ADGRB1: variants seen among roughly 807,000 people sequenced by gnomAD.
ADGRB1 encodes brain-specific angiogenesis inhibitor 1.
In ADGRB1, 36 loss-of-function variants were observed where a neutral mutation model predicts 175.7. The observed-to-expected ratio is 0.20, with a 90% CI of 0.16 to 0.27. ADGRB1 has a LOEUF of 0.27. Ranked by LOEUF, ADGRB1 falls within the 10% of genes least tolerant of loss-of-function variation. The probability of loss-of-function intolerance (pLI) is 1.00; values close to 1 mark genes in which losing one functional copy is unlikely to be tolerated. For synonymous variants in ADGRB1, 1,054 were observed against 979.4 expected, an observed-to-expected ratio of 1.08 and a Z score of -1.42; for missense variants, 1,731 against 2,255.3, an observed-to-expected ratio of 0.77 and a Z score of 4.71.
chr8:142,537,634 GCT>G lies in ADGRB1; in HGVS notation c.3666+557_3666+558del, dbSNP rs1845015031. Among the ~76,000 whole-genome samples, 1 of 151,934 alleles carries G rather than the reference GCT, an allele frequency of 6.6e-6. No homozygotes were observed. The highest frequency in any genetic ancestry group is 2.4e-5 in the African/African-American group (1 of 41,352). On this transcript the variant is annotated intron_variant, in intron 26 of 30. Transcript: ENST00000517894. The surrounding 1 kb of genome is among the most constrained non-coding windows in gnomAD (Gnocchi z 4.6). ...GCCATCCTGCCTTCACCCTCTCTGG[GCT>G]CTCTGCCCTCCCCCTGCCCATCCTG... is the stretch of plus-strand genomic sequence containing the variant.
chr8:142,491,692 G>A (rs897966691), intron 17 of ADGRB1, among the ~76,000 whole-genome samples: 3 of 152,176 alleles, frequency 2.0e-5, no homozygotes, highest in African/African-American at 7.2e-5. Flanking sequence ...GGCTCCCTCA[G>A]CCCCAGTCCC....
intron 4 of ADGRB1, 99 bp downstream of exon 4, chr8:142,476,794 C>T (rs1297746626): frequency 1.6e-6 from 2 of 1,213,302 alleles, no homozygotes; most frequent in African/African-American, 1.5e-5. Flanking sequence ...GAATAACATG[C>T]CATAACTAGA....
rs1587440631 is a variant in ADGRB1, at chr8:142,537,030, A to G, written c.3614A>G (p.Glu1205Gly). The change falls in exon 26 of 31, where the codon GAG becomes GGG. Residue 1205 changes from glutamate to glycine, a missense_variant. Coordinates refer to ENST00000517894, the MANE Select transcript of ADGRB1 (RefSeq NM_001702.3). The surrounding 1 kb of genome is among the most constrained non-coding windows in gnomAD (Gnocchi z 4.6). ...TGCCGTGTGGTTGACCGGCAGGAGGAGGGCAACGGGGACTCAGGGGGCTCC... is the reference window on the plus strand; with the variant it reads ...TGCCGTGTGGTTGACCGGCAGGAGGGGGGCAACGGGGACTCAGGGGGCTCC... The part of the protein sequence containing the change: ...VKCRVVDRQE[E>G]GNGDSGGSFQ... The G allele has an allele frequency of 6.3e-7, 1 of 1,590,346 alleles. No homozygotes were observed. The highest frequency in any genetic ancestry group is 8.6e-7 in the Non-Finnish European group (1 of 1,168,774).
At chr8:142,509,098 C>T (rs924571709) in intron 17 of ADGRB1, among the ~76,000 whole-genome samples, 5 of 152,222 alleles carry the variant, frequency 3.3e-5, no homozygotes, top group Non-Finnish European at 7.3e-5. Context: ...CGCCAGCCAG[C>T]GGCTCACAGC....
At position 142,544,360 on chromosome 8, in the gene ADGRB1, G is replaced by A. The variant is rs372515206; in HGVS notation, c.4698G>A (p.Ser1566=). The stretch of plus-strand genomic sequence containing the variant: ...TTCGCAGCGTGGAGTGGGAGAGGTC[G>A]GGCGCCACGATCCCGCTGGTGGGCC... ...LELRSVEWER[S]GATIPLVGQD... Residue 1566 remains serine (S), a synonymous_variant, in exon 31 of 31, where the codon TCG becomes TCA. Coordinates refer to ENST00000517894, the MANE Select transcript of ADGRB1 (RefSeq NM_001702.3). 2.4e-4 allele frequency: 375 copies of A among 1,538,748 alleles called. 2 individuals are homozygous for A. In the African/African-American group the frequency reaches 4.6e-3, roughly 19 times the overall value.
chr8:142,520,767 C>G, intron 19 of ADGRB1, 56 bp from the exon 20 acceptor site: 1 of 1,491,276 alleles, frequency 6.7e-7, no homozygotes, highest in Non-Finnish European at 9.3e-7. Flanking sequence ...GACCACAGCC[C>G]CTGTGCAGAT....
chr8:142,480,949 C>T (rs905511811), intron 9 of ADGRB1, among the ~76,000 whole-genome samples: 8 of 152,038 alleles, frequency 5.3e-5, no homozygotes, highest in African/African-American at 7.2e-5. Flanking sequence ...GAAGGGGCTC[C>T]GAAGGAGGTC....
intron 13 of ADGRB1, among the ~76,000 whole-genome samples, chr8:142,486,777 A>C (rs574644368): frequency 1.3e-5 from 2 of 152,322 alleles, no homozygotes; most frequent in African/African-American, 4.8e-5. Flanking sequence ...CCAGCAGTTC[A>C]GGAGGCCAAG....
chr8:142,517,872 C>T (rs1052812745), intron 18 of ADGRB1, among the ~76,000 whole-genome samples: 1 of 152,158 alleles, frequency 6.6e-6, no homozygotes, highest in African/African-American at 2.4e-5. Context: ...AAAGACTTAT[C>T]TGGCATCGGG....
intron 2 of ADGRB1, among the ~76,000 whole-genome samples, chr8:142,470,235 G>A (rs944801781): frequency 6.6e-6 from 1 of 152,100 alleles, no homozygotes; most frequent in African/African-American, 2.4e-5. Context: ...CCTCCCCACT[G>A]CCTCCCTTTG....
intron 20 of ADGRB1, 125 bp from the exon 21 acceptor site, chr8:142,521,840 G>T: frequency 8.9e-7 from 1 of 1,118,942 alleles, no homozygotes; most frequent in African/African-American, 1.5e-5. Flanking sequence ...TCTGCCTGGG[G>T]ACCTGGTTGG....
intron 2 of ADGRB1, among the ~76,000 whole-genome samples, chr8:142,472,015 G>GGGTGGGAAT (rs1840696202): frequency 1.3e-5 from 2 of 152,252 alleles, no homozygotes; most frequent in Admixed American, 1.3e-4. Context: ...TGGCAGAGCA[G>GGGTGGGAAT]GGTGGGAATG....
rs1224447291 is a variant in ADGRB1, at chr8:142,504,127, G to A, written c.2676-6805G>A. On this transcript the variant is annotated intron_variant, in intron 17 of 30. Transcript: ENST00000517894. This position sits in a 1 kb window ranked among gnomAD's most constrained non-coding sequence, Gnocchi z 5.6. ...GGTCACAGCGACCAGGATCTCCTCA[G>A]GACCCCAGGTAATTGCCCCCAGGCC... 6.6e-6 allele frequency among the ~76,000 whole-genome samples: 1 copy of A among 152,216 alleles called. No homozygotes were observed. The highest frequency in any genetic ancestry group is 1.5e-5 in the Non-Finnish European group (1 of 68,030).
intron 23 of ADGRB1, among the ~76,000 whole-genome samples, chr8:142,525,705 G>A (rs547860095): frequency 5.3e-5 from 8 of 152,306 alleles, no homozygotes; most frequent in South Asian, 4.1e-4. Flanking sequence ...TCTTCTGGAC[G>A]TGAAATGCCT....
rs183127793 is a variant in ADGRB1 at position 142,465,265 on chromosome 8, C to T, written c.784+283C>T. Among the ~76,000 whole-genome samples, 601 of 152,316 alleles carry T rather than the reference C, an allele frequency of 3.9e-3. 3 individuals are homozygous for T. The highest frequency in any genetic ancestry group is 0.01 in the Middle Eastern group (3 of 294). On this transcript the variant is annotated intron_variant, in intron 2 of 30. Transcript: ENST00000517894. Reference sequence around the variant, plus strand: ...GTCACTGCAGGTGTGCAGGGCCAGCCCGGGCACACGGCGGGTGCTGGTTGA... The same window carrying T: ...GTCACTGCAGGTGTGCAGGGCCAGCTCGGGCACACGGCGGGTGCTGGTTGA...
chr8:142,487,774 C>T (rs1021128803), intron 13 of ADGRB1, among the ~76,000 whole-genome samples: 1 of 152,330 alleles, frequency 6.6e-6, no homozygotes, highest in Admixed American at 6.5e-5. Flanking sequence ...CCACCCTGAG[C>T]TCAGGGCCCT....
Position 142,542,673 on chromosome 8 carries a change from C to A in ADGRB1, c.4413+26C>A, listed in dbSNP as rs899985334. ...GTGAGGGGGGCAGGGGTGGGCCACA[C>A]CCCAGCCAGCGAGGGCAGGGCTGCA... On this transcript the variant is annotated intron_variant, in intron 28 of 30. Coordinates refer to ENST00000517894, the MANE Select transcript of ADGRB1 (RefSeq NM_001702.3). The surrounding 1 kb of genome is among the most constrained non-coding windows in gnomAD (Gnocchi z 6.3). 3 of 1,520,792 alleles carry A rather than the reference C, an allele frequency of 2.0e-6. No individual in the cohort carries two copies. The highest frequency in any genetic ancestry group is 2.6e-6 in the Non-Finnish European group (3 of 1,132,138). 94.2% of individuals were successfully genotyped at this position (1,520,792 alleles called of 1,614,324 possible). A position where few individuals can be genotyped will look rare whatever the true frequency, so the allele number is the denominator to read the frequency against.
At chr8:142,534,636 C>T (rs1844822701) in intron 25 of ADGRB1, among the ~76,000 whole-genome samples, 1 of 152,200 alleles carries the variant, frequency 6.6e-6, no homozygotes, top group Non-Finnish European at 1.5e-5. Flanking sequence ...AACCACCAGC[C>T]GGGCAGTGCT....
chr8:142,486,623 C>T (rs1259622488), intron 13 of ADGRB1, among the ~76,000 whole-genome samples: 1 of 152,244 alleles, frequency 6.6e-6, no homozygotes, highest in East Asian at 1.9e-4. Flanking sequence ...ACCATAGCTT[C>T]GTGCCTATTG....
Sources: gnomAD v4.1 joint callset for allele counts (sites outside exome capture counted in the v4.1 genomes callset) on GRCh38, gnomAD v4.1.1 for gene constraint, Gnocchi (gnomAD v3.1) non-coding constraint, MANE v1.5 for transcripts, NCBI Gene and HGNC (gene_info 2026-07-23, HGNC 2026-07-21) for gene names.